The following SOS1 variants were observed in gnomAD, a reference collection of about 807,000 sequenced individuals.
The protein encoded by SOS1 is son of sevenless homolog 1.
Under a neutral mutation model 157.6 loss-of-function variants are expected in SOS1, and 25 were observed. The ratio of observed to expected loss-of-function variants is 0.16; its 90% CI spans 0.12 to 0.22. The LOEUF (loss-of-function observed/expected upper bound fraction) is 0.22. Among genes scored for constraint, SOS1 ranks in the 10% least tolerant of loss-of-function variants. The pLI is 1.00. For synonymous variants in SOS1, 528 were observed against 534.0 expected (o/e 0.99, Z 0.16); for missense variants, 1,237 against 1,599.1 (o/e 0.77, Z 3.86).
chr2:39,122,998 G>C (rs1365202409), upstream of SOS1, among the ~76,000 whole-genome samples: 1 of 152,090 alleles, frequency 6.6e-6, no homozygotes, highest in East Asian at 1.9e-4. Flanking sequence ...ACCCCACAAA[G>C]GCGTGCATCT....
chr2:39,012,464 T>A, intron 13 of SOS1, 116 bp from the exon 14 acceptor site: 1 of 401,950 alleles, frequency 2.5e-6, no homozygotes, highest in South Asian at 7.8e-5. Flanking sequence ...CTATAAAAAG[T>A]TCAAATGATC....
At chr2:39,045,273 A>AGTGTGTGTGTGTGTGTGT (rs60673777) in intron 6 of SOS1, among the ~76,000 whole-genome samples, 101 of 108,090 alleles carry the variant, frequency 9.3e-4, no homozygotes, top group Middle Eastern at 5.3e-3. Flanking sequence ...AGAGAGAGAG[A>AGTGTGTGTGTGTGTGTGT]GTGTGTGTGT....
At chr2:39,079,256 A>G (rs943980652) in intron 1 of SOS1, among the ~76,000 whole-genome samples, 1 of 61,696 alleles carries the variant, frequency 1.6e-5, no homozygotes, top group African/African-American at 6.5e-5. Flanking sequence ...AAAACATAAA[A>G]TGGGGCAAAA....
intron 17 of SOS1, among the ~76,000 whole-genome samples, chr2:39,000,590 C>T (rs911627513): frequency 5.3e-5 from 8 of 152,190 alleles, no homozygotes; most frequent in African/African-American, 1.9e-4. Context: ...TTGCTGATGT[C>T]TTTCCCATCC....
rs1246824944 is a variant in SOS1, at chr2:39,120,979, GGCC to G, written c.-560_-558del. The stretch of plus-strand genomic sequence containing the variant: ...TCTGGCTGCCCTGAGGTGCCGCCGC[GGCC>G]GCCGCCGCCACCGCCGCCGCCGGTG... On this transcript the variant is annotated 5_prime_UTR_variant, in exon 1 of 23. Coordinates refer to ENST00000402219, the MANE Select transcript of SOS1 (RefSeq NM_005633.4). The G allele has an allele frequency of 2.3e-5, 4 of 176,224 alleles. No homozygotes were observed. The highest frequency in any genetic ancestry group is 1.7e-4 in the East Asian group (1 of 5,870). 10.9% of individuals were successfully genotyped at this position (176,224 alleles called of 1,614,324 possible). A position where few individuals can be genotyped will look rare whatever the true frequency, so the allele number is the denominator to read the frequency against.
intron 1 of SOS1, among the ~76,000 whole-genome samples, chr2:39,107,221 T>C (rs1286642171): frequency 6.6e-6 from 1 of 152,042 alleles, no homozygotes; most frequent in Non-Finnish European, 1.5e-5. Flanking sequence ...GCCTCTCAGA[T>C]CTCTGACTAC....
intron 6 of SOS1, among the ~76,000 whole-genome samples, chr2:39,047,947 C>T (rs906089535): frequency 2.6e-5 from 4 of 152,188 alleles, no homozygotes; most frequent in African/African-American, 9.7e-5. Flanking sequence ...GGATTACAGG[C>T]ATGAGCTACC....
chr2:39,021,746 G>C (rs1422534298), intron 10 of SOS1, among the ~76,000 whole-genome samples: 5 of 151,490 alleles, frequency 3.3e-5, no homozygotes, highest in Non-Finnish European at 7.4e-5. Context: ...AACTTTTATA[G>C]CCTTAAAAAT....
intron 1 of SOS1, among the ~76,000 whole-genome samples, chr2:39,079,487 ATTTTTTTTT>A (rs1201929648): frequency 1.2e-5 from 1 of 82,714 alleles, no homozygotes; most frequent in Non-Finnish European, 2.2e-5. Flanking sequence ...AAGTGTTCGA[ATTTTTTTTT>A]TTTTTTTTTT....
chr2:39,107,571 C>T (rs865865179), intron 1 of SOS1, among the ~76,000 whole-genome samples: 1 of 150,208 alleles, frequency 6.7e-6, no homozygotes, highest in African/African-American at 2.5e-5. Flanking sequence ...TAACAAATTT[C>T]TTATGTGCTT....
intron 1 of SOS1, 106 bp downstream of exon 1, chr2:39,120,230 G>C (rs1010668756): frequency 2.0e-6 from 2 of 1,023,034 alleles, no homozygotes; most frequent in Non-Finnish European, 2.7e-6. Flanking sequence ...GACGCGGCGA[G>C]ACCGGGAAGA....
At chr2:39,080,643 C>G (rs903103233) in intron 1 of SOS1, among the ~76,000 whole-genome samples, 1 of 152,014 alleles carries the variant, frequency 6.6e-6, no homozygotes, top group East Asian at 1.9e-4. Context: ...AAAAATACTC[C>G]TATTTTTAAT....
chr2:39,101,058 C>T (rs1165109767), intron 1 of SOS1, among the ~76,000 whole-genome samples: 1 of 152,202 alleles, frequency 6.6e-6, no homozygotes, highest in Admixed American at 6.5e-5. Context: ...TTTTACTTGG[C>T]TAACAGTTCT....
chr2:39,113,202 G>C (rs1673506253), intron 1 of SOS1, among the ~76,000 whole-genome samples: 1 of 151,946 alleles, frequency 6.6e-6, no homozygotes, highest in South Asian at 2.1e-4. Context: ...ATTCATTAAT[G>C]TATTTAGAGA....
intron 1 of SOS1, among the ~76,000 whole-genome samples, chr2:39,109,751 A>G (rs1388712644): frequency 2.0e-5 from 3 of 152,212 alleles, no homozygotes; most frequent in African/African-American, 4.8e-5. Context: ...TCAAAAGTCA[A>G]TGGGTACAAC....
chr2:39,100,801 C>T (rs1672939402), intron 1 of SOS1, among the ~76,000 whole-genome samples: 2 of 152,052 alleles, frequency 1.3e-5, no homozygotes, highest in Admixed American at 1.3e-4. Flanking sequence ...CACCTTTAGT[C>T]CTAGCTACTT....
Position 39,007,188 on chromosome 2 carries a change from A to G in SOS1, c.2516T>C (p.Ile839Thr). The G allele has an allele frequency of 1.9e-6, 3 of 1,584,390 alleles. No individual in the cohort carries two copies. Among genetic ancestry groups the G allele is most frequent in the Non-Finnish European group, 2.6e-6 (3 of 1,153,206 alleles). The change falls in exon 16 of 23, where the codon ATT (isoleucine) becomes ACT (threonine). Residue 839 changes from isoleucine (I) to threonine (T), a missense_variant. Transcript: ENST00000402219. ...TTCTTCTAAATTTTCAGTTTCTACAATACATCTGGGAATAAAAAAAAAGTG... is the reference window on the plus strand; with the variant it reads ...TTCTTCTAAATTTTCAGTTTCTACAGTACATCTGGGAATAAAAAAAAAGTG... ...TNLTLWFEKCIVETENLEERV... is the reference protein window; with the variant it reads ...TNLTLWFEKCTVETENLEERV...
intron 1 of SOS1, among the ~76,000 whole-genome samples, chr2:39,109,393 C>A (rs1284064967): frequency 1.3e-5 from 2 of 152,074 alleles, no homozygotes; most frequent in African/African-American, 4.8e-5. Flanking sequence ...TTTAATGCAA[C>A]AGAACCCTTT....
At chr2:39,066,443 G>T (rs1671590357) in intron 2 of SOS1, among the ~76,000 whole-genome samples, 1 of 152,126 alleles carries the variant, frequency 6.6e-6, no homozygotes, top group Admixed American at 6.6e-5. Flanking sequence ...TCTATTTCTA[G>T]CTGTATCTCC....
Sources: gnomAD v4.1 joint callset for allele counts (sites outside exome capture counted in the v4.1 genomes callset) on GRCh38, gnomAD v4.1.1 for gene constraint, MANE v1.5 for transcripts, NCBI Gene and HGNC (gene_info 2026-07-23, HGNC 2026-07-21) for gene names.